NDST4: variants seen among roughly 807,000 people sequenced by gnomAD.
The protein encoded by NDST4 is N-heparan sulfate sulfotransferase 4.
In NDST4, 63 loss-of-function variants were observed where a neutral mutation model predicts 100.8. That is an observed-to-expected ratio of 0.62 (90% CI 0.51 to 0.77). NDST4 has a LOEUF of 0.77. Ranked by LOEUF, NDST4 falls within the 30% of genes least tolerant of loss-of-function variation. The pLI, the probability that NDST4 is intolerant of heterozygous loss-of-function variation, is 0.00. For synonymous variants in NDST4, 377 were observed against 361.8 expected, an observed-to-expected ratio of 1.04 and a Z score of -0.48; for missense variants, 943 against 1,018.4, an observed-to-expected ratio of 0.93 and a Z score of 1.01.
intron 6 of NDST4, among the ~76,000 whole-genome samples, chr4:114,927,216 T>TTG (rs10555403): frequency 0.031 from 4,599 of 147,946 alleles, 183 homozygotes; most frequent in African/African-American, 0.087. Flanking sequence ...TTAACTTGAT[T>TTG]TGTGTGTGTG....
chr4:115,053,127 A>ATT (rs1414667749), intron 2 of NDST4, among the ~76,000 whole-genome samples: 5 of 152,188 alleles, frequency 3.3e-5, no homozygotes, highest in Non-Finnish European at 7.3e-5. Context: ...GACATAATGT[A>ATT]TTGACTGAAA....
intron 2 of NDST4, among the ~76,000 whole-genome samples, chr4:115,043,015 T>C (rs1009493812): frequency 7.9e-5 from 12 of 152,192 alleles, no homozygotes; most frequent in Admixed American, 7.9e-4. Context: ...GGGAGTTTAC[T>C]GGATGTTTAG....
intron 2 of NDST4, among the ~76,000 whole-genome samples, chr4:114,996,573 A>G (rs1727169697): frequency 6.6e-6 from 1 of 152,088 alleles, no homozygotes; most frequent in Non-Finnish European, 1.5e-5. Flanking sequence ...GACTGATCTT[A>G]GCTCTCCTCT....
At position 115,005,519 on chromosome 4, in the gene NDST4, G is replaced by C. The variant is rs1727394186; in HGVS notation, c.979-28245C>G. Among the ~76,000 whole-genome samples, 3 of 152,154 alleles carry C rather than the reference G, an allele frequency of 2.0e-5. No homozygotes were observed. In the South Asian group the frequency reaches 6.2e-4, roughly 32 times the overall value. On this transcript the variant is annotated intron_variant, in intron 2 of 13. Transcript: ENST00000264363. ...GAGGAAGAACTAGGAGGCCCACATG[G>C]TTGGGGAGAAGAGAGTGGGAGGTTG...
chr4:114,989,428 T>C (rs1726988383), intron 2 of NDST4, among the ~76,000 whole-genome samples: 4 of 152,194 alleles, frequency 2.6e-5, no homozygotes, highest in Admixed American at 2.6e-4. Flanking sequence ...AAGCAGCTAA[T>C]ATAGTCCAGC....
chr4:114,958,829 T>C (rs1279926430), intron 4 of NDST4, among the ~76,000 whole-genome samples: 3 of 152,230 alleles, frequency 2.0e-5, no homozygotes, highest in South Asian at 4.1e-4. Context: ...AGTCATGCTG[T>C]AAATTTTCTA....
At chr4:115,045,635 A>C (rs1208575228) in intron 2 of NDST4, among the ~76,000 whole-genome samples, 2 of 152,174 alleles carry the variant, frequency 1.3e-5, no homozygotes, top group African/African-American at 4.8e-5. Context: ...CCATCCCTGG[A>C]GACCTTTTTC....
intron 2 of NDST4, among the ~76,000 whole-genome samples, chr4:115,031,306 G>T (rs1728110800): frequency 6.6e-6 from 1 of 152,024 alleles, no homozygotes; most frequent in Non-Finnish European, 1.5e-5. Flanking sequence ...TTGTTCAGAG[G>T]ATAGATGAGT....
intron 4 of NDST4, among the ~76,000 whole-genome samples, chr4:114,949,383 C>A (rs543867824): frequency 6.6e-6 from 1 of 152,046 alleles, no homozygotes; most frequent in South Asian, 2.1e-4. Flanking sequence ...GGAATGGGTC[C>A]AGCCTTTGTA....
At chr4:115,059,646 C>T (rs1367860945) in intron 2 of NDST4, among the ~76,000 whole-genome samples, 3 of 151,938 alleles carry the variant, frequency 2.0e-5, no homozygotes, top group South Asian at 2.1e-4. Context: ...TCTTTTAACC[C>T]GCTTTTTCTA....
chr4:114,899,233 A>G (rs1448621379), intron 6 of NDST4, among the ~76,000 whole-genome samples: 1 of 152,166 alleles, frequency 6.6e-6, no homozygotes, highest in African/African-American at 2.4e-5. Context: ...GCTGGAGTGC[A>G]GTGGCACAAT....
chr4:115,088,855 A>C (rs1478422969), intron 1 of NDST4, among the ~76,000 whole-genome samples: 1 of 152,058 alleles, frequency 6.6e-6, no homozygotes, highest in Non-Finnish European at 1.5e-5. Flanking sequence ...GCTTGGATAA[A>C]ACTACCTCAA....
intron 6 of NDST4, among the ~76,000 whole-genome samples, chr4:114,905,134 CTT>C (rs570520427): frequency 1.4e-5 from 2 of 142,154 alleles, no homozygotes; most frequent in Non-Finnish European, 3.1e-5. Flanking sequence ...AAAATTCTTC[CTT>C]TTTTTTTTTT....
intron 6 of NDST4, among the ~76,000 whole-genome samples, chr4:114,893,164 T>G (rs1391457411): frequency 6.6e-6 from 1 of 152,192 alleles, no homozygotes; most frequent in Non-Finnish European, 1.5e-5. Context: ...TTTGGGTTGG[T>G]TCCATGTCTT....
rs778019427 is a variant in NDST4, at chr4:114,848,362, A to C, written c.1817-24T>G. 17 of 1,527,604 alleles carry C rather than the reference A, an allele frequency of 1.1e-5. No homozygotes were observed. In the South Asian group the frequency reaches 2.1e-4, roughly 19 times the overall value. 94.6% of individuals were successfully genotyped at this position (1,527,604 alleles called of 1,614,324 possible). A position where few individuals can be genotyped will look rare whatever the true frequency, so the allele number is the denominator to read the frequency against. On this transcript the variant is annotated intron_variant, in intron 8 of 13. Coordinates refer to ENST00000264363, the MANE Select transcript of NDST4 (RefSeq NM_022569.3). ...TCCTGTTACAAAAAAAGAAAGTAAA[A>C]GGTTATATGGCAATAAGAGACAAAA...
intron 2 of NDST4, among the ~76,000 whole-genome samples, chr4:115,061,502 T>C (rs1195035572): frequency 6.6e-6 from 1 of 152,056 alleles, no homozygotes; most frequent in Non-Finnish European, 1.5e-5. Flanking sequence ...AAACCATCAT[T>C]CTCAGCAAAC....
At position 114,977,178 on chromosome 4, in the gene NDST4, C is replaced by T. The variant is rs546927667; in HGVS notation, c.1066+9G>A. 2 of 1,564,570 alleles carry T rather than the reference C, an allele frequency of 1.3e-6. No individual in the cohort carries two copies. The highest frequency in any genetic ancestry group is 1.4e-5 in the African/African-American group (1 of 73,568). The stretch of plus-strand genomic sequence containing the variant: ...TGTAGCTGCCTGAGAACACAAAGCT[C>T]CTTCTTACCTGTGTGGTAAAACTTC... On this transcript the variant is annotated intron_variant, in intron 3 of 13. Transcript: ENST00000264363.
At chr4:114,990,536 G>T (rs1727014502) in intron 2 of NDST4, among the ~76,000 whole-genome samples, 1 of 151,902 alleles carries the variant, frequency 6.6e-6, no homozygotes, top group Non-Finnish European at 1.5e-5. Context: ...CTTATCTTGG[G>T]CCAGCAGTGA....
intron 1 of NDST4, among the ~76,000 whole-genome samples, chr4:115,096,043 A>G (rs1729615166): frequency 6.6e-6 from 1 of 151,950 alleles, no homozygotes; most frequent in Non-Finnish European, 1.5e-5. Context: ...CCCAGTTTAA[A>G]TTCCATAATC....
Sources: allele counts gnomAD v4.1 joint callset (sites outside exome capture counted in the v4.1 genomes callset), GRCh38; gene constraint gnomAD v4.1.1; transcripts MANE v1.5; gene names NCBI Gene and HGNC (gene_info 2026-07-23, HGNC 2026-07-21).